Variants in GASK1A observed in about 807,000 individuals in gnomAD.
GASK1A encodes golgi associated kinase 1A.
In GASK1A, 40 loss-of-function variants were observed where a neutral mutation model predicts 41.2. The ratio of observed to expected loss-of-function variants is 0.97; its 90% CI spans 0.75 to 1.27. The LOEUF (loss-of-function observed/expected upper bound fraction) is 1.27, where lower values mean the gene tolerates loss of function less well. Ranked by LOEUF, GASK1A falls within the 50% of genes most tolerant of loss-of-function variation. The pLI is 0.00. For missense variants in GASK1A, 678 were observed against 745.1 expected (o/e 0.91, Z 1.05); for synonymous variants, 316 against 307.1 (o/e 1.03, Z -0.30).
intron 1 of GASK1A, among the ~76,000 whole-genome samples, chr3:43,020,582 G>T (rs955527025): frequency 6.6e-6 from 1 of 152,348 alleles, no homozygotes; most frequent in East Asian, 1.9e-4. Flanking sequence ...CCACCAAAAG[G>T]TGTGTATTAG....
rs1431906694 is a variant in GASK1A, at chr3:43,011,400, A to G, written c.4-20867A>G. On this transcript the variant is annotated intron_variant, in intron 1 of 4. Transcript: ENST00000430121. The stretch of plus-strand genomic sequence containing the variant: ...CATCTCAAAAAAAAAAAAAAAAAAA[A>G]TGGTTAGGAGATCACAAGAGATTTT... Among the ~76,000 whole-genome samples, 3 of 147,562 alleles carry G rather than the reference A, an allele frequency of 2.0e-5. No individual in the cohort carries two copies. The South Asian group carries it at 6.4e-4, about 31-fold the overall frequency.
intron 2 of GASK1A, among the ~76,000 whole-genome samples, chr3:43,052,696 C>T (rs1349791440): frequency 2.0e-5 from 3 of 152,184 alleles, no homozygotes; most frequent in African/African-American, 7.2e-5. Flanking sequence ...TTTCTCCCCA[C>T]AGCAAGCCCT....
At chr3:42,985,280 G>T (rs901853007) in intron 1 of GASK1A, among the ~76,000 whole-genome samples, 9 of 152,282 alleles carry the variant, frequency 5.9e-5, no homozygotes, top group Admixed American at 5.2e-4. Context: ...GTCTCCATGG[G>T]CAGGGACTGA....
chr3:43,002,686 A>G (rs1437966951), intron 1 of GASK1A, among the ~76,000 whole-genome samples: 2 of 152,206 alleles, frequency 1.3e-5, no homozygotes, highest in Admixed American at 6.5e-5. Context: ...TATATTGATA[A>G]CATGTTGAAC....
At chr3:43,019,320 C>T (rs2089509714) in intron 1 of GASK1A, among the ~76,000 whole-genome samples, 1 of 152,090 alleles carries the variant, frequency 6.6e-6, no homozygotes, top group Non-Finnish European at 1.5e-5. Flanking sequence ...GTTATTCTGC[C>T]CACAGTGGAG....
At chr3:43,051,271 G>T (rs965127731) in intron 2 of GASK1A, among the ~76,000 whole-genome samples, 8 of 152,006 alleles carry the variant, frequency 5.3e-5, no homozygotes, top group Non-Finnish European at 1.2e-4. Flanking sequence ...ATTGTATATG[G>T]CCACTGAAAT....
chr3:43,016,770 A>G (rs1346483567), intron 1 of GASK1A, among the ~76,000 whole-genome samples: 4 of 141,050 alleles, frequency 2.8e-5, no homozygotes, highest in African/African-American at 8.0e-5. Context: ...ACAGGAAGGG[A>G]CGGTGGGAAG....
In GASK1A at chr3:42,984,696, T is replaced by C. The variant is rs116786103; in HGVS notation, c.3+5051T>C. Among the ~76,000 whole-genome samples, 1,001 of 152,302 alleles carry C rather than the reference T, an allele frequency of 6.6e-3. 11 individuals carry two copies. Among genetic ancestry groups the C allele is most frequent in the African/African-American group, 0.023 (953 of 41,546 alleles). On this transcript the variant is annotated intron_variant, in intron 1 of 4. Transcript: ENST00000430121. This position sits in a 1 kb window ranked among gnomAD's most constrained non-coding sequence, Gnocchi z 4.2. Reference sequence around the variant, plus strand: ...AAGAAAGTGACTTTATTCTAAAGCTTAGCTTAGGGGAAGAGGTACAGGCTC... The same window carrying C: ...AAGAAAGTGACTTTATTCTAAAGCTCAGCTTAGGGGAAGAGGTACAGGCTC...
chr3:43,038,814 T>C (rs2089619399), intron 2 of GASK1A, among the ~76,000 whole-genome samples: 1 of 152,194 alleles, frequency 6.6e-6, no homozygotes, highest in African/African-American at 2.4e-5. Context: ...AAGTGAGGTG[T>C]AATTCCCCAA....
chr3:43,044,354 C>G (rs1007694043), intron 2 of GASK1A, among the ~76,000 whole-genome samples: 6 of 152,186 alleles, frequency 3.9e-5, no homozygotes, highest in Non-Finnish European at 7.3e-5. Flanking sequence ...TTATGTCAGA[C>G]TCTGGTTCTC....
chr3:42,990,006 C>T (rs115020613), intron 1 of GASK1A, among the ~76,000 whole-genome samples: 1,651 of 152,106 alleles, frequency 0.011, 36 homozygotes, highest in African/African-American at 0.038. Flanking sequence ...TAGACAGGTG[C>T]ACCTGCTGGG....
intron 1 of GASK1A, among the ~76,000 whole-genome samples, chr3:43,014,908 G>A (rs576424836): frequency 1.9e-4 from 29 of 151,522 alleles, no homozygotes; most frequent in African/African-American, 6.5e-4. Flanking sequence ...GCTGTTTTAC[G>A]CCCTGGGAAT....
At chr3:43,041,832 G>A (rs2089639598) in intron 2 of GASK1A, among the ~76,000 whole-genome samples, 1 of 152,226 alleles carries the variant, frequency 6.6e-6, no homozygotes, top group Non-Finnish European at 1.5e-5. Flanking sequence ...TAACAGATTT[G>A]CGATGAACTA....
At chr3:43,034,986 G>A (rs2089597723) in intron 2 of GASK1A, among the ~76,000 whole-genome samples, 1 of 152,144 alleles carries the variant, frequency 6.6e-6, no homozygotes, top group South Asian at 2.1e-4. Context: ...CTGATCTCCT[G>A]TCGTCCTCCC....
chr3:43,031,883 C>A lies in GASK1A; in HGVS notation c.4-384C>A, dbSNP rs558284607. Reference sequence around the variant, plus strand: ...ACATCAAGAGATCTGCCAGAATGGGCCCATGGGATCACATGGAGACAAAAA... The same window carrying A: ...ACATCAAGAGATCTGCCAGAATGGGACCATGGGATCACATGGAGACAAAAA... On this transcript the variant is annotated intron_variant, in intron 1 of 4. Transcript: ENST00000430121. Among the ~76,000 whole-genome samples the A allele has an allele frequency of 3.3e-5, 5 of 152,260 alleles. No individual in the cohort carries two copies. In the South Asian group the frequency reaches 1.0e-3, roughly 32 times the overall value.
At chr3:42,983,683 G>A (rs1202671619) in intron 1 of GASK1A, among the ~76,000 whole-genome samples, 1 of 152,150 alleles carries the variant, frequency 6.6e-6, no homozygotes, top group Non-Finnish European at 1.5e-5. Flanking sequence ...GGTTAAACTG[G>A]TATTGGAACC....
At chr3:42,994,543 G>C (rs2089359283) in intron 1 of GASK1A, among the ~76,000 whole-genome samples, 1 of 152,074 alleles carries the variant, frequency 6.6e-6, no homozygotes, top group Admixed American at 6.6e-5. Flanking sequence ...CATTTCTGGA[G>C]GCCTCCGATG....
At chr3:43,045,118 A>G (rs941040103) in intron 2 of GASK1A, among the ~76,000 whole-genome samples, 1 of 152,196 alleles carries the variant, frequency 6.6e-6, no homozygotes, top group African/African-American at 2.4e-5. Flanking sequence ...TCTTTGACAC[A>G]TATAGAATAT....
In GASK1A at chr3:43,057,017, G is replaced by GT. The variant is rs1174112949; in HGVS notation, c.*632dup. 1 of 151,572 alleles carries GT rather than the reference G, an allele frequency of 6.6e-6. No homozygotes were observed. Among genetic ancestry groups the GT allele is most frequent in the African/African-American group, 2.4e-5 (1 of 41,442 alleles). 9.4% of individuals were successfully genotyped at this position (151,572 alleles called of 1,614,324 possible). A position where few individuals can be genotyped will look rare whatever the true frequency, so the allele number is the denominator to read the frequency against. The stretch of plus-strand genomic sequence containing the variant: ...AGTCCCACAAACTCCCTAGCGGTGT[G>GT]TATGTGTGTGTGTGTTATTCATGGT... On this transcript the variant is annotated 3_prime_UTR_variant, in exon 5 of 5. Coordinates refer to ENST00000430121, the MANE Select transcript of GASK1A (RefSeq NM_001129908.3).
Sources: allele counts gnomAD v4.1 joint callset (sites outside exome capture counted in the v4.1 genomes callset), GRCh38; gene constraint gnomAD v4.1.1; non-coding constraint Gnocchi (gnomAD v3.1); transcripts MANE v1.5; gene names NCBI Gene and HGNC (gene_info 2026-07-23, HGNC 2026-07-21).